Variants in SKAP1 observed in about 807,000 individuals in gnomAD.
SKAP1 encodes the protein src kinase-associated phosphoprotein 1.
Under a neutral mutation model 58.5 loss-of-function variants are expected in SKAP1, and 44 were observed. The observed-to-expected ratio is 0.75, with a 90% CI of 0.59 to 0.97. The LOEUF (loss-of-function observed/expected upper bound fraction) is 0.97. Ranked by LOEUF, SKAP1 falls within the 50% of genes least tolerant of loss-of-function variation. The probability of loss-of-function intolerance (pLI) is 0.00; values close to 1 mark genes in which losing one functional copy is unlikely to be tolerated. For missense variants in SKAP1, 390 were observed against 435.2 expected, an observed-to-expected ratio of 0.90 and a Z score of 0.92; for synonymous variants, 127 against 149.7, an observed-to-expected ratio of 0.85 and a Z score of 1.11.
intron 4 of SKAP1, among the ~76,000 whole-genome samples, chr17:48,204,920 C>A (rs1365310436): frequency 6.9e-6 from 1 of 144,434 alleles, no homozygotes; most frequent in Non-Finnish European, 1.5e-5. Context: ...TCAAGGAAAT[C>A]CTTCCTTCCT....
At chr17:48,429,948 C>A (rs1410995401) in intron 1 of SKAP1, 127 bp downstream of exon 1, 4 of 779,648 alleles carry the variant, frequency 5.1e-6, no homozygotes, top group Middle Eastern at 2.6e-4. Context: ...GTTGAGGGCT[C>A]TAGAAGCCTT....
intron 2 of SKAP1, among the ~76,000 whole-genome samples, chr17:48,386,697 A>G (rs2067281323): frequency 6.6e-6 from 1 of 152,130 alleles, no homozygotes; most frequent in African/African-American, 2.4e-5. Context: ...TCCAGTGTCC[A>G]TTTTTCTAAT....
intron 11 of SKAP1, among the ~76,000 whole-genome samples, chr17:48,154,199 C>T (rs538451808): frequency 2.4e-4 from 37 of 152,310 alleles, no homozygotes; most frequent in African/African-American, 8.9e-4. Context: ...TGGCGCAGGC[C>T]TGCCGCATTC....
At chr17:48,345,693 T>C (rs569078901) in intron 4 of SKAP1, among the ~76,000 whole-genome samples, 2 of 152,218 alleles carry the variant, frequency 1.3e-5, no homozygotes, top group Non-Finnish European at 2.9e-5. Context: ...GGAATTAGTG[T>C]CTCCCTAAGT....
chr17:48,272,719 C>A (rs2065648811), intron 4 of SKAP1, among the ~76,000 whole-genome samples: 1 of 151,444 alleles, frequency 6.6e-6, no homozygotes, highest in African/African-American at 2.4e-5. Context: ...CGACTCCTGG[C>A]TAAGTTTTTG....
chr17:48,284,015 C>T (rs2065800203), intron 4 of SKAP1, among the ~76,000 whole-genome samples: 1 of 152,218 alleles, frequency 6.6e-6, no homozygotes, highest in South Asian at 2.1e-4. Context: ...CCAGCCTAAA[C>T]TCAGCTCACA....
At chr17:48,444,326 G>C in the SKAP1 span, among the ~76,000 whole-genome samples, 1 of 152,144 alleles carries the variant, frequency 6.6e-6, no homozygotes, top group African/African-American at 2.4e-5. Context: ...GGAGGCGGAG[G>C]TTGCAATGAG....
chr17:48,416,760 T>C (rs888312106), intron 1 of SKAP1, among the ~76,000 whole-genome samples: 27 of 152,232 alleles, frequency 1.8e-4, no homozygotes, highest in African/African-American at 6.0e-4. Context: ...TAAAGTCTCA[T>C]TGACAGCTTC....
At chr17:48,175,016 G>C (rs1377645926) in intron 9 of SKAP1, among the ~76,000 whole-genome samples, 1 of 152,156 alleles carries the variant, frequency 6.6e-6, no homozygotes, top group African/African-American at 2.4e-5. Flanking sequence ...AGTATCTGGA[G>C]AGTCGATTTC....
At chr17:48,287,447 C>T (rs1039728617) in intron 4 of SKAP1, among the ~76,000 whole-genome samples, 4 of 151,334 alleles carry the variant, frequency 2.6e-5, no homozygotes, top group Admixed American at 6.6e-5. Flanking sequence ...ATATTAAACT[C>T]GAAGGTGTGA....
At position 48,137,250 on chromosome 17, in the gene SKAP1, C is replaced by G. The variant is rs772095586; in HGVS notation, c.1066G>C (p.Val356Leu). The G allele has an allele frequency of 6.2e-7, 1 of 1,613,264 alleles. No homozygotes were observed. Among genetic ancestry groups the G allele is most frequent in the Non-Finnish European group, 8.5e-7 (1 of 1,179,312 alleles). ...ATACCTGGGTTTCATCTTTCTTCCACTTCAAAGGCAGTGGTGAGATACTCC... is the reference window on the plus strand; with the variant it reads ...ATACCTGGGTTTCATCTTTCTTCCAGTTCAAAGGCAGTGGTGAGATACTCC... ...PKEYLTTAFE[V>L]EER The change falls in exon 12 of 13, where the codon GTG (valine) becomes CTG (leucine). Residue 356 changes from valine to leucine, a missense_variant. Transcript: ENST00000336915.
intron 4 of SKAP1, among the ~76,000 whole-genome samples, chr17:48,301,314 C>T (rs536934570): frequency 4.7e-4 from 71 of 152,244 alleles, no homozygotes; most frequent in Middle Eastern, 3.4e-3. Flanking sequence ...TCTATTCCCA[C>T]CAACCCTTCC....
intron 1 of SKAP1, among the ~76,000 whole-genome samples, chr17:48,401,505 A>G (rs1298542111): frequency 1.3e-5 from 2 of 152,200 alleles, no homozygotes; most frequent in Admixed American, 1.3e-4. Flanking sequence ...AAGAGGGTCA[A>G]GACAATTAAA....
intron 4 of SKAP1, among the ~76,000 whole-genome samples, chr17:48,270,888 T>C (rs1413847346): frequency 1.3e-5 from 2 of 151,688 alleles, no homozygotes; most frequent in Non-Finnish European, 2.9e-5. Context: ...AATGCTGGAA[T>C]TCAATTTTTG....
rs1039961644 is a variant in SKAP1 at position 48,186,998 on chromosome 17, T to G, written c.442+845A>C. Among the ~76,000 whole-genome samples the G allele has an allele frequency of 3.3e-5, 5 of 152,224 alleles. No individual in the cohort carries two copies. The South Asian group carries it at 1.0e-3, about 31-fold the overall frequency. The stretch of plus-strand genomic sequence containing the variant: ...AGTACAAGGAAAGCCCCAAGAAGAA[T>G]TGATGCTTTTTAAACTTTGTCTCCC... On this transcript the variant is annotated intron_variant, in intron 6 of 12. Coordinates refer to ENST00000336915, the MANE Select transcript of SKAP1 (RefSeq NM_003726.4).
intron 2 of SKAP1, 22 bp from the exon 3 acceptor site, chr17:48,363,836 A>G: frequency 6.2e-7 from 1 of 1,603,060 alleles, no homozygotes; most frequent in South Asian, 1.1e-5. Context: ...GGGGGAAAAA[A>G]AAAGGGAATA....
intron 4 of SKAP1, chr17:48,204,598 T>C (rs2064770033): frequency 1.3e-5 from 2 of 152,170 alleles, no homozygotes; most frequent in Non-Finnish European, 2.9e-5. Context: ...GCTACAGTAA[T>C]ATACTACTAA....
chr17:48,405,389 TTTCCTTTC>T (rs1289541808), intron 1 of SKAP1, among the ~76,000 whole-genome samples: 25 of 147,732 alleles, frequency 1.7e-4, no homozygotes, highest in East Asian at 4.0e-4. Flanking sequence ...TTTTTTTCTC[TTTCCTTTC>T]TTTCTTTCTT....
chr17:48,361,568 T>C (rs1359605651), intron 3 of SKAP1, among the ~76,000 whole-genome samples: 1 of 152,230 alleles, frequency 6.6e-6, no homozygotes, highest in Non-Finnish European at 1.5e-5. Flanking sequence ...GGATCTTTTA[T>C]AATTAAAGAC....
Sources: gnomAD v4.1 joint callset for allele counts (sites outside exome capture counted in the v4.1 genomes callset) on GRCh38, gnomAD v4.1.1 for gene constraint, MANE v1.5 for transcripts, NCBI Gene and HGNC (gene_info 2026-07-23, HGNC 2026-07-21) for gene names.